BANK1: variants seen among roughly 807,000 people sequenced by gnomAD.
The protein encoded by BANK1 is B cell scaffold protein with ankyrin repeats 1, also known as B-cell scaffold protein with ankyrin repeats.
In BANK1, 95 loss-of-function variants were observed where a neutral mutation model predicts 94.5. The ratio of observed to expected loss-of-function variants is 1.00; its 90% CI spans 0.85 to 1.19. The LOEUF (loss-of-function observed/expected upper bound fraction) is 1.19. Among genes scored for constraint, BANK1 ranks in the 50% most tolerant of loss-of-function variants. The pLI is 0.00. For missense variants in BANK1, 987 were observed against 932.2 expected, an observed-to-expected ratio of 1.06 and a Z score of -0.77; for synonymous variants, 334 against 308.4, an observed-to-expected ratio of 1.08 and a Z score of -0.87.
intron 7 of BANK1, among the ~76,000 whole-genome samples, chr4:101,965,333 C>A (rs1724715441): frequency 8.4e-6 from 1 of 119,422 alleles, no homozygotes; most frequent in African/African-American, 3.1e-5. Context: ...TTTATAACCA[C>A]CTAAATAAAA....
chr4:101,901,437 A>G (rs943193345), intron 6 of BANK1, among the ~76,000 whole-genome samples: 6 of 152,228 alleles, frequency 3.9e-5, no homozygotes, highest in African/African-American at 1.4e-4. Flanking sequence ...TTTCCAATGT[A>G]GTGAACCTCA....
At chr4:101,852,513 CAT>C (rs1727527986) in intron 2 of BANK1, among the ~76,000 whole-genome samples, 1 of 126,402 alleles carries the variant, frequency 7.9e-6, no homozygotes, top group Non-Finnish European at 1.6e-5. Flanking sequence ...TACACACACA[CAT>C]ATAGTCTATT....
intron 1 of BANK1, among the ~76,000 whole-genome samples, chr4:101,812,757 A>C (rs1725768497): frequency 6.6e-6 from 1 of 152,092 alleles, no homozygotes; most frequent in Non-Finnish European, 1.5e-5. Context: ...GTCAAATATT[A>C]ATCAAAGCAA....
chr4:101,855,867 G>A (rs930709324), intron 3 of BANK1, among the ~76,000 whole-genome samples: 10 of 152,114 alleles, frequency 6.6e-5, no homozygotes, highest in African/African-American at 2.4e-4. Flanking sequence ...GATGATTTCT[G>A]GGCAGGTGAC....
intron 7 of BANK1, among the ~76,000 whole-genome samples, chr4:101,947,404 G>A (rs1320390860): frequency 6.7e-6 from 1 of 148,924 alleles, no homozygotes; most frequent in Non-Finnish European, 1.5e-5. Context: ...ATGAAACCTG[G>A]GATGCCCATG....
chr4:102,031,460 A>G (rs922051090), intron 10 of BANK1, among the ~76,000 whole-genome samples: 2 of 152,058 alleles, frequency 1.3e-5, no homozygotes, highest in African/African-American at 4.8e-5. Context: ...CCATTTGTCA[A>G]TTTTGTCTTT....
chr4:102,019,374 T>C (rs1177100541), intron 7 of BANK1, among the ~76,000 whole-genome samples: 2 of 152,230 alleles, frequency 1.3e-5, no homozygotes, highest in East Asian at 3.8e-4. Context: ...AGATCAAATA[T>C]GCAGATTACA....
At chr4:102,012,004 A>G (rs967056975) in intron 7 of BANK1, among the ~76,000 whole-genome samples, 10 of 152,188 alleles carry the variant, frequency 6.6e-5, no homozygotes, top group Admixed American at 3.9e-4. Flanking sequence ...GCTTTTAATA[A>G]GGAAAATTAT....
At chr4:101,940,011 C>T (rs1723690637) in intron 7 of BANK1, among the ~76,000 whole-genome samples, 2 of 151,622 alleles carry the variant, frequency 1.3e-5, no homozygotes, top group Non-Finnish European at 3.0e-5. Context: ...CCCTATTGAC[C>T]ATTTGATGCA....
chr4:101,894,292 G>T (rs1277286479), intron 5 of BANK1, among the ~76,000 whole-genome samples: 1 of 151,916 alleles, frequency 6.6e-6, no homozygotes, highest in Non-Finnish European at 1.5e-5. Context: ...TTTACTAGAT[G>T]CTTATGAATG....
chr4:101,946,710 C>T (rs1723942173), intron 7 of BANK1, among the ~76,000 whole-genome samples: 1 of 151,888 alleles, frequency 6.6e-6, no homozygotes, highest in African/African-American at 2.4e-5. Context: ...TGGTGATCTT[C>T]AAGAAATAAT....
At chr4:102,073,534 T>C in intron 15 of BANK1, 150 bp from the exon 16 acceptor site, 1 of 642,466 alleles carries the variant, frequency 1.6e-6, no homozygotes. Context: ...TGTTTCCTTT[T>C]AAAATGGAAG....
chr4:101,967,452 A>G (rs927495998), intron 7 of BANK1, among the ~76,000 whole-genome samples: 1 of 152,058 alleles, frequency 6.6e-6, no homozygotes, highest in African/African-American at 2.4e-5. Context: ...GGTACAGAGC[A>G]GCACATAAAA....
intron 7 of BANK1, among the ~76,000 whole-genome samples, chr4:102,015,919 A>G (rs987368442): frequency 2.0e-5 from 3 of 152,190 alleles, no homozygotes; most frequent in Non-Finnish European, 2.9e-5. Flanking sequence ...AGAAACAATT[A>G]CATACACCAA....
chr4:102,001,866 C>T (rs1726088613), intron 7 of BANK1, among the ~76,000 whole-genome samples: 1 of 152,124 alleles, frequency 6.6e-6, no homozygotes, highest in African/African-American at 2.4e-5. Context: ...AGGCTGATAC[C>T]AGCCCAAAGC....
At chr4:101,856,742 C>A (rs1302224003) in intron 3 of BANK1, among the ~76,000 whole-genome samples, 1 of 152,118 alleles carries the variant, frequency 6.6e-6, no homozygotes, top group Non-Finnish European at 1.5e-5. Context: ...ATAGGAGAAT[C>A]ATGGACTGTT....
At chr4:101,874,406 C>T (rs1165876643) in intron 5 of BANK1, among the ~76,000 whole-genome samples, 2 of 152,130 alleles carry the variant, frequency 1.3e-5, no homozygotes, top group Non-Finnish European at 2.9e-5. Context: ...AGATTCTTCC[C>T]ATCGAGAGAT....
intron 7 of BANK1, among the ~76,000 whole-genome samples, chr4:102,009,402 A>G (rs1578452661): frequency 6.6e-6 from 1 of 152,196 alleles, no homozygotes; most frequent in East Asian, 1.9e-4. Context: ...GACTGCCCAG[A>G]TGCCCTACCT....
intron 1 of BANK1, among the ~76,000 whole-genome samples, chr4:101,808,758 A>G (rs1000331354): frequency 6.6e-6 from 1 of 152,224 alleles, no homozygotes; most frequent in Non-Finnish European, 1.5e-5. Context: ...AAAATGCTCA[A>G]CATCACTAAT....
Sources: allele counts gnomAD v4.1 joint callset (sites outside exome capture counted in the v4.1 genomes callset), GRCh38; gene constraint gnomAD v4.1.1; transcripts MANE v1.5; gene names NCBI Gene and HGNC (gene_info 2026-07-23, HGNC 2026-07-21).